The following POLRMT variants were observed in gnomAD, a reference collection of about 807,000 sequenced individuals.
The protein encoded by POLRMT is RNA polymerase mitochondrial.
Under a neutral mutation model 132.2 loss-of-function variants are expected in POLRMT, and 114 were observed. That is an observed-to-expected ratio of 0.86 (90% CI 0.74 to 1.01). The LOEUF (loss-of-function observed/expected upper bound fraction) is 1.01, where lower values mean the gene tolerates loss of function less well. Ranked by LOEUF, POLRMT falls within the 50% of genes least tolerant of loss-of-function variation. The pLI, the probability that POLRMT is intolerant of heterozygous loss-of-function variation, is 0.00. For synonymous variants in POLRMT, 1,020 were observed against 773.4 expected, an observed-to-expected ratio of 1.32 and a Z score of -5.29; for missense variants, 2,003 against 1,729.1, an observed-to-expected ratio of 1.16 and a Z score of -2.81.
At chr19:631,360 C>G (rs1985405493) in intron 2 of POLRMT, among the ~76,000 whole-genome samples, 1 of 147,268 alleles carries the variant, frequency 6.8e-6, no homozygotes, top group African/African-American at 2.6e-5. Context: ...ACCCAGGTGT[C>G]CAGATGTGGT....
rs140843727 is a variant in POLRMT, at chr19:621,741, G to C, written c.1957C>G (p.Leu653Val). 195 of 1,600,424 alleles carry C rather than the reference G, an allele frequency of 1.2e-4. No homozygotes were observed. The highest frequency in any genetic ancestry group is 1.7e-4 in the Middle Eastern group (1 of 5,968). Residue 653 changes from leucine (L) to valine (V), a missense_variant, in exon 10 of 21, where the codon CTG (leucine) becomes GTG (valine). Transcript: ENST00000588649. Reference sequence around the variant, plus strand: ...CCAGAGTGCGGCGATGTCCAGGGCAGCGGGGGGCAAAGCATGGGTACATCC... The same window carrying C: ...CCAGAGTGCGGCGATGTCCAGGGCACCGGGGGGCAAAGCATGGGTACATCC... ...AVDVPMLCPP[L>V]PWTSPHSGAF... is the part of the protein sequence containing the mutation.
At chr19:618,158 C>T (rs1984160661) in intron 17 of POLRMT, 2 of 560,700 alleles carry the variant, frequency 3.6e-6, no homozygotes, top group Admixed American at 3.1e-5. Context: ...GCATCCTGAG[C>T]ATTCCCAGCT....
intron 10 of POLRMT, 117 bp downstream of exon 10, chr19:620,941 G>A (rs1297825298): frequency 2.7e-6 from 1 of 369,308 alleles, no homozygotes; most frequent in Non-Finnish European, 4.3e-6. Flanking sequence ...CCAGGGGAGG[G>A]GGAGGGGAGG....
At chr19:622,450 G>T in intron 8 of POLRMT, 77 bp from the exon 9 acceptor site, 1 of 1,462,910 alleles carries the variant, frequency 6.8e-7, no homozygotes, top group Non-Finnish European at 9.1e-7. Context: ...CCTGACGCCC[G>T]GTGGGGCATC....
rs944897963 is a variant in POLRMT, at chr19:621,516, G to T, written c.2182C>A (p.Gln728Lys). Residue 728 changes from glutamine (Q) to lysine (K), a missense_variant, in exon 10 of 21, where the codon CAG (glutamine) becomes AAG (lysine). Coordinates refer to ENST00000588649, the MANE Select transcript of POLRMT (RefSeq NM_005035.4). ...GAGGGCGGGGCCGGCACGCCTAGCT[G>T]GGGGCAGCCCTTGGCCTGGAAGAGC... ...LQLFQAKGCP[Q>K]LGVPAPPSEA... The T allele has an allele frequency of 2.2e-6, 3 of 1,385,246 alleles. No homozygotes were observed. The African/African-American group carries it at 4.6e-5, about 21-fold the overall frequency. 85.8% of individuals were successfully genotyped at this position (1,385,246 alleles called of 1,614,324 possible).
intron 2 of POLRMT, among the ~76,000 whole-genome samples, chr19:632,019 C>T (rs1452076386): frequency 4.0e-5 from 6 of 151,576 alleles, no homozygotes; most frequent in East Asian, 1.9e-4. Flanking sequence ...TTGATCCGCC[C>T]GCCTCGGCCT....
chr19:622,801 C>G lies in POLRMT; in HGVS notation c.1455+20G>C. The G allele has an allele frequency of 1.3e-6, 2 of 1,571,844 alleles. No individual in the cohort carries two copies. The highest frequency in any genetic ancestry group is 1.7e-6 in the Non-Finnish European group (2 of 1,158,994). ...CTGCCCGCCCCGCCCGGGGACCCGG[C>G]CGCGCGGAGGAAGACGCACCTGCAG... On this transcript the variant is annotated intron_variant, in intron 7 of 20. Coordinates refer to ENST00000588649, the MANE Select transcript of POLRMT (RefSeq NM_005035.4).
In POLRMT at chr19:622,338, C is replaced by G; in HGVS notation, c.1662G>C (p.Glu554Asp). ...GCAGGGCCTCGGGCGCCCCCAGCTC[C>G]TCCCAGTACTGCCGCGGCAGGCAGG... is the stretch of plus-strand genomic sequence containing the variant. ...PEPCLPRQYW[E>D]ELGAPEALRE... The change falls in exon 9 of 21, where the codon GAG (glutamate) becomes GAC (aspartate). Residue 554 changes from glutamate to aspartate, a missense_variant. By Grantham distance (45) the Glu-to-Asp change is conservative. Transcript: ENST00000588649. The G allele has an allele frequency of 6.4e-7, 1 of 1,557,546 alleles. No homozygotes were observed. Among genetic ancestry groups the G allele is most frequent in the Non-Finnish European group, 8.7e-7 (1 of 1,152,920 alleles).
rs1305449163 is a variant in POLRMT at position 621,499 on chromosome 19, G to A, written c.2199C>T (p.Ala733=). 2.2e-6 allele frequency: 3 copies of A among 1,375,312 alleles called. No individual in the cohort carries two copies. Among genetic ancestry groups the A allele is most frequent in the Admixed American group, 3.7e-5 (1 of 26,752 alleles). 85.2% of individuals were successfully genotyped at this position (1,375,312 alleles called of 1,614,324 possible). A position where few individuals can be genotyped will look rare whatever the true frequency, so the allele number is the denominator to read the frequency against. ...AKGCPQLGVP[A]PPSEAPQPPE... Reference sequence around the variant, plus strand: ...GCGGCTGGGGCGCCTCGGAGGGCGGGGCCGGCACGCCTAGCTGGGGGCAGC... The same window carrying A: ...GCGGCTGGGGCGCCTCGGAGGGCGGAGCCGGCACGCCTAGCTGGGGGCAGC... Residue 733 remains alanine, a synonymous_variant, in exon 10 of 21, where the codon GCC becomes GCT. Transcript: ENST00000588649.
chr19:622,013 C>T (rs1478056497), intron 9 of POLRMT, 136 bp downstream of exon 9: 1 of 1,127,692 alleles, frequency 8.9e-7, no homozygotes, highest in Admixed American at 2.5e-5. Flanking sequence ...GCATGGACAC[C>T]CATGGTGTGT....
chr19:621,213 G>A lies in POLRMT; in HGVS notation c.2485C>T (p.Gln829Ter). The A allele has an allele frequency of 1.2e-6, 2 of 1,610,212 alleles. No homozygotes were observed. The highest frequency in any genetic ancestry group is 1.7e-6 in the Non-Finnish European group (2 of 1,178,436). The change falls in exon 10 of 21, where the codon CAG (glutamine) becomes TAG (stop). Residue 829 changes from glutamine to a stop codon, truncating the protein, a stop_gained. Coordinates refer to ENST00000588649, the MANE Select transcript of POLRMT (RefSeq NM_005035.4). LOFTEE classifies it high-confidence loss of function. Reference sequence around the variant, plus strand: ...CCGTGCGGGCCGAGCGGGCGGCCCTGGGCGAACTCCAGCAGGGCCCGCGCC... The same window carrying A: ...CCGTGCGGGCCGAGCGGGCGGCCCTAGGCGAACTCCAGCAGGGCCCGCGCC... The part of the protein sequence containing the change: ...DVARALLEFA[Q>*]GRPLGPHGLD...
chr19:620,033 G>A lies in POLRMT; in HGVS notation c.2811C>T (p.Asp937=), dbSNP rs140510392. The part of the protein sequence containing the change: ...GLQHYAALGR[D]SVGAASVNLE... Reference sequence around the variant, plus strand: ...GGTTGACGGAGGCGGCGCCCACGCTGTCGCGGCCCAGAGCAGCATAATGCT... The same window carrying A: ...GGTTGACGGAGGCGGCGCCCACGCTATCGCGGCCCAGAGCAGCATAATGCT... Residue 937 remains aspartate (D), a synonymous_variant, in exon 12 of 21, where the codon GAC becomes GAT. Transcript: ENST00000588649. 7.0e-6 allele frequency: 11 copies of A among 1,563,378 alleles called. No homozygotes were observed. The highest frequency in any genetic ancestry group is 1.7e-4 in the Middle Eastern group (1 of 6,012).
chr19:623,380 C>T, intron 6 of POLRMT, 74 bp downstream of exon 6: 1 of 1,571,658 alleles, frequency 6.4e-7, no homozygotes, highest in Non-Finnish European at 8.6e-7. Context: ...GGGACCCCGG[C>T]TCAGCCCGTG....
intron 5 of POLRMT, among the ~76,000 whole-genome samples, chr19:624,440 G>A (rs111698760): frequency 1.3e-5 from 2 of 152,256 alleles, no homozygotes; most frequent in South Asian, 2.1e-4. Context: ...AGCCCACTGC[G>A]TGCACCTGGC....
intron 10 of POLRMT, among the ~76,000 whole-genome samples, chr19:620,785 G>A: frequency 7.8e-6 from 1 of 127,646 alleles, no homozygotes; most frequent in African/African-American, 3.0e-5. Flanking sequence ...GGATGCAGGG[G>A]AGGGGGGAAC....
At chr19:620,593 G>C in intron 10 of POLRMT, 106 bp from the exon 11 acceptor site, 1 of 1,350,718 alleles carries the variant, frequency 7.4e-7, no homozygotes, top group Non-Finnish European at 9.8e-7. Context: ...ACGCACACCC[G>C]TGATAGTGAA....
intron 6 of POLRMT, 124 bp downstream of exon 6, chr19:623,330 G>A (rs1034175654): frequency 9.4e-5 from 137 of 1,459,910 alleles, no homozygotes; most frequent in Middle Eastern, 7.6e-4. Flanking sequence ...CAGCCCCTGC[G>A]GCGGACACGC....
chr19:622,902 G>A lies in POLRMT; in HGVS notation c.1374C>T (p.Arg458=), dbSNP rs775262103. 17 of 1,612,426 alleles carry A rather than the reference G, an allele frequency of 1.1e-5. No homozygotes were observed. In the East Asian group the frequency reaches 1.1e-4, roughly 11 times the overall value. Residue 458 remains arginine (R), a synonymous_variant, in exon 7 of 21, where the codon CGC becomes CGT. Transcript: ENST00000588649. ...ALRETKNRLE[R]EVYEGRFSLY... ...GTGAGAACCGGCCCTCGTACACCTC[G>A]CGCTCTAGGCGGTTCTTGGTCTCCC...
intron 17 of POLRMT, 186 bp downstream of exon 17, chr19:618,302 A>G (rs890904700): frequency 3.4e-6 from 2 of 581,518 alleles, no homozygotes; most frequent in East Asian, 5.7e-5. Context: ...ACAGGAGGGG[A>G]GCTGCCAGGA....
Sources: allele counts gnomAD v4.1 joint callset (sites outside exome capture counted in the v4.1 genomes callset), GRCh38; gene constraint gnomAD v4.1.1; transcripts MANE v1.5; gene names NCBI Gene and HGNC (gene_info 2026-07-23, HGNC 2026-07-21).